KCND3: variants seen among roughly 807,000 people sequenced by gnomAD.
KCND3 encodes A-type voltage-gated potassium channel KCND3.
A neutral mutation model predicts 51.1 loss-of-function variants in KCND3; 9 were observed. That is an observed-to-expected ratio of 0.18 (90% CI 0.11 to 0.31). The LOEUF is 0.31. Ranked by LOEUF, KCND3 falls within the 10% of genes least tolerant of loss-of-function variation. The pLI, the probability that KCND3 is intolerant of heterozygous loss-of-function variation, is 1.00. For synonymous variants in KCND3, 349 were observed against 368.0 expected (o/e 0.95, Z 0.59); for missense variants, 526 against 903.8 (o/e 0.58, Z 5.36).
intron 2 of KCND3, among the ~76,000 whole-genome samples, chr1:111,876,810 T>A (rs1169497830): frequency 6.6e-6 from 1 of 152,224 alleles, no homozygotes; most frequent in African/African-American, 2.4e-5. Context: ...AAGGAGGGGC[T>A]GGAGCTTTGG....
At chr1:111,865,327 A>G (rs1417817010) in intron 2 of KCND3, among the ~76,000 whole-genome samples, 1 of 152,210 alleles carries the variant, frequency 6.6e-6, no homozygotes, top group Non-Finnish European at 1.5e-5. Flanking sequence ...GGGGGTAGGT[A>G]CTGATACAGT....
At chr1:111,898,059 C>T (rs187426772) in intron 2 of KCND3, among the ~76,000 whole-genome samples, 13 of 152,238 alleles carry the variant, frequency 8.5e-5, no homozygotes, top group Non-Finnish European at 1.2e-4. Flanking sequence ...AGGTTTGCAT[C>T]TCAGCTTAAC....
At chr1:111,962,862 C>T (rs1164816871) in intron 2 of KCND3, among the ~76,000 whole-genome samples, 1 of 152,160 alleles carries the variant, frequency 6.6e-6, no homozygotes, top group Non-Finnish European at 1.5e-5. Flanking sequence ...CTTCCTTTGG[C>T]CATTGGGACA....
At chr1:111,786,828 G>A in intron 3 of KCND3, 116 bp downstream of exon 3, 1 of 1,288,414 alleles carries the variant, frequency 7.8e-7, no homozygotes, top group Non-Finnish European at 1.1e-6. Context: ...ACCTTACCTT[G>A]CAAAGCCAGA....
At chr1:111,962,444 TAGGAGG>T (rs1400357996) in intron 2 of KCND3, among the ~76,000 whole-genome samples, 1 of 152,160 alleles carries the variant, frequency 6.6e-6, no homozygotes, top group Non-Finnish European at 1.5e-5. Flanking sequence ...GGCCTAGGGA[TAGGAGG>T]AAGTTAGTGC....
chr1:111,795,948 CT>C (rs1332360223), intron 2 of KCND3, among the ~76,000 whole-genome samples: 2 of 152,164 alleles, frequency 1.3e-5, no homozygotes, highest in Non-Finnish European at 2.9e-5. Flanking sequence ...TGATGTTGAA[CT>C]TTTTTTCCTA....
intron 2 of KCND3, among the ~76,000 whole-genome samples, chr1:111,935,334 A>C (rs1335859902): frequency 6.6e-6 from 1 of 152,164 alleles, no homozygotes; most frequent in African/African-American, 2.4e-5. Context: ...TTGATTTTAG[A>C]GCCCACTCTC....
In KCND3 at chr1:111,809,295, C is replaced by T. The variant is rs542156267; in HGVS notation, c.1107-22189G>A. 2.0e-4 allele frequency among the ~76,000 whole-genome samples: 28 copies of T among 140,794 alleles called. 1 individual carries two copies. The East Asian group carries it at 3.8e-3, about 19-fold the overall frequency. The allele number at this position is 140,794 out of a possible 152,430, so 92.4% of individuals were successfully genotyped here. ...GGCCTTACCGGTTCTGTTTCAACAGCGGAAGATTATTTTTCTTTCTTTTTT... is the reference window on the plus strand; with the variant it reads ...GGCCTTACCGGTTCTGTTTCAACAGTGGAAGATTATTTTTCTTTCTTTTTT... On this transcript the variant is annotated intron_variant, in intron 2 of 7. Coordinates refer to ENST00000302127, the MANE Select transcript of KCND3 (RefSeq NM_001378969.1).
At chr1:111,868,701 T>C (rs1250932082) in intron 2 of KCND3, among the ~76,000 whole-genome samples, 1 of 152,240 alleles carries the variant, frequency 6.6e-6, no homozygotes, top group East Asian at 1.9e-4. Context: ...TTATCATTTC[T>C]ATTTTATAAT....
In KCND3 at chr1:111,931,895, T is replaced by C. The variant is rs141142958; in HGVS notation, c.1106+49726A>G. Among the ~76,000 whole-genome samples, 120 of 152,332 alleles carry C rather than the reference T, an allele frequency of 7.9e-4. 1 individual carries two copies. Among genetic ancestry groups the C allele is most frequent in the African/African-American group, 2.9e-3 (119 of 41,562 alleles). ...GTGGCGGTCTCACCATGGTGGCAAA[T>C]GCCCCTGCTCCGAGACTGTATTAGT... On this transcript the variant is annotated intron_variant, in intron 2 of 7. Transcript: ENST00000302127.
intron 7 of KCND3, 136 bp downstream of exon 7, chr1:111,776,890 G>T: frequency 2.0e-6 from 3 of 1,501,188 alleles, no homozygotes; most frequent in Non-Finnish European, 2.7e-6. Context: ...AAGGAAAGGA[G>T]GAAGGTAGAG....
At chr1:111,891,557 A>G (rs1217893849) in intron 2 of KCND3, among the ~76,000 whole-genome samples, 1 of 152,126 alleles carries the variant, frequency 6.6e-6, no homozygotes, top group East Asian at 1.9e-4. Flanking sequence ...ACACCCTCTC[A>G]GGGAGACCGG....
At chr1:111,939,403 G>A (rs192074019) in intron 2 of KCND3, among the ~76,000 whole-genome samples, 18 of 152,078 alleles carry the variant, frequency 1.2e-4, no homozygotes, top group African/African-American at 3.4e-4. Flanking sequence ...CAACAGGCCC[G>A]GGTGTGTGAT....
At chr1:111,786,149 A>C (rs1355188710) in intron 3 of KCND3, among the ~76,000 whole-genome samples, 1 of 152,212 alleles carries the variant, frequency 6.6e-6, no homozygotes, top group East Asian at 1.9e-4. Flanking sequence ...AACCTGGGGA[A>C]AGTCACTACC....
chr1:111,959,187 C>T (rs1450684289), intron 2 of KCND3, among the ~76,000 whole-genome samples: 11 of 152,158 alleles, frequency 7.2e-5, no homozygotes, highest in Admixed American at 6.5e-4. Flanking sequence ...GGGATTCGGT[C>T]GGTGGTGGAC....
At chr1:111,809,442 G>A (rs1214991401) in intron 2 of KCND3, among the ~76,000 whole-genome samples, 1 of 151,894 alleles carries the variant, frequency 6.6e-6, no homozygotes, top group East Asian at 1.9e-4. Flanking sequence ...CCGAGTACCT[G>A]GGACTACAGG....
intron 2 of KCND3, among the ~76,000 whole-genome samples, chr1:111,868,406 CCAAAACA>C (rs72275300): frequency 0.014 from 2,193 of 152,036 alleles, 46 homozygotes; most frequent in African/African-American, 0.051. Flanking sequence ...CCCAAAACAC[CCAAAACA>C]CAAGAGTACA....
At chr1:111,969,385 T>G (rs1246793402) in intron 2 of KCND3, among the ~76,000 whole-genome samples, 1 of 152,166 alleles carries the variant, frequency 6.6e-6, no homozygotes, top group Non-Finnish European at 1.5e-5. Flanking sequence ...AGGAGATTTC[T>G]CCACCTTCCA....
intron 2 of KCND3, among the ~76,000 whole-genome samples, chr1:111,949,563 C>A (rs1466034069): frequency 2.0e-5 from 3 of 152,130 alleles, no homozygotes; most frequent in African/African-American, 7.2e-5. Context: ...TACAAAAGGG[C>A]AGGAAGCAGG....
Sources: allele counts gnomAD v4.1 joint callset (sites outside exome capture counted in the v4.1 genomes callset), GRCh38; gene constraint gnomAD v4.1.1; transcripts MANE v1.5; gene names NCBI Gene and HGNC (gene_info 2026-07-23, HGNC 2026-07-21).